FHAD1: variants seen among roughly 807,000 people sequenced by gnomAD.
FHAD1 encodes forkhead-associated domain-containing protein 1.
A neutral mutation model predicts 191.3 loss-of-function variants in FHAD1; 146 were observed. The observed-to-expected ratio is 0.76, with a 90% CI of 0.67 to 0.88. FHAD1 has a LOEUF of 0.88. FHAD1 is among the 40% of genes least tolerant of loss of function. The pLI is 0.00. For synonymous variants in FHAD1, 616 were observed against 672.3 expected (o/e 0.92, Z 1.29); for missense variants, 1,635 against 1,785.8 (o/e 0.92, Z 1.52).
chr1:15,346,707 C>G (rs915656398), intron 18 of FHAD1, among the ~76,000 whole-genome samples: 14 of 152,214 alleles, frequency 9.2e-5, no homozygotes, highest in Non-Finnish European at 2.9e-5. Context: ...GATCCTTTTT[C>G]ACATCTGCTT....
chr1:15,301,510 C>A (rs556906560), intron 6 of FHAD1, 69 bp downstream of exon 6: 8 of 1,352,712 alleles, frequency 5.9e-6, no homozygotes, highest in Admixed American at 2.2e-5. Context: ...GACCACCAAC[C>A]AAGGTGAGCC....
At chr1:15,303,262 G>A (rs1000286285) in intron 6 of FHAD1, among the ~76,000 whole-genome samples, 2 of 152,342 alleles carry the variant, frequency 1.3e-5, no homozygotes, top group Middle Eastern at 3.4e-3. Context: ...AGCAATGAAA[G>A]GAGCTGGTCC....
rs1431966880 is a variant in FHAD1 at position 15,300,455 on chromosome 1, G to A, written c.679-750G>A. The stretch of plus-strand genomic sequence containing the variant: ...GAAAGGGGAAAAGCTATTTCAGAAT[G>A]TATTAAATTTGTAAAGTTAAATAGC... On this transcript the variant is annotated intron_variant, in intron 5 of 33. Coordinates refer to ENST00000688493, the MANE Select transcript of FHAD1 (RefSeq NM_001391957.1). Among the ~76,000 whole-genome samples, 3 of 152,350 alleles carry A rather than the reference G, an allele frequency of 2.0e-5. No homozygotes were observed. The East Asian group carries it at 5.8e-4, about 29-fold the overall frequency.
chr1:15,399,690 T>C (rs1706979499), downstream of FHAD1, among the ~76,000 whole-genome samples: 1 of 152,098 alleles, frequency 6.6e-6, no homozygotes, highest in African/African-American at 2.4e-5. Context: ...TATCCCCAAA[T>C]ATAGAGCTGA....
rs1674432688 is a variant in FHAD1 at position 15,316,318 on chromosome 1, C to T, written c.1171-60C>T. 7.3e-7 allele frequency: 1 copy of T among 1,370,062 alleles called. No homozygotes were observed. The highest frequency in any genetic ancestry group is 1.5e-5 in the African/African-American group (1 of 68,912). 84.9% of individuals were successfully genotyped at this position (1,370,062 alleles called of 1,614,324 possible). On this transcript the variant is annotated intron_variant, in intron 8 of 33. Coordinates refer to ENST00000688493, the MANE Select transcript of FHAD1 (RefSeq NM_001391957.1). This position sits in a 1 kb window ranked among gnomAD's most constrained non-coding sequence, Gnocchi z 4.3. Reference sequence around the variant, plus strand: ...ACATGGGGCCTTGGAGCCCCTCCTTCCCCCGACAACCCTACCTGGCCAACG... The same window carrying T: ...ACATGGGGCCTTGGAGCCCCTCCTTTCCCCGACAACCCTACCTGGCCAACG...
At chr1:15,261,397 G>A (rs933427758) in intron 2 of FHAD1, among the ~76,000 whole-genome samples, 2 of 152,126 alleles carry the variant, frequency 1.3e-5, no homozygotes, top group African/African-American at 2.4e-5. Context: ...ATGACTAATC[G>A]CTGCTCTATC....
intron 13 of FHAD1, chr1:15,328,703 G>A (rs900540334): frequency 1.3e-5 from 4 of 306,246 alleles, no homozygotes; most frequent in Non-Finnish European, 2.4e-5. Context: ...AAAAGAAATT[G>A]TTTTCATAGC....
chr1:15,392,345 ACAC>A (rs1260676425), intron 33 of FHAD1, among the ~76,000 whole-genome samples: 2 of 152,160 alleles, frequency 1.3e-5, no homozygotes, highest in Non-Finnish European at 2.9e-5. Context: ...ATCCTGGCTA[ACAC>A]GGTGAAACCC....
At chr1:15,304,292 A>G (rs549233774) in intron 6 of FHAD1, among the ~76,000 whole-genome samples, 1 of 152,254 alleles carries the variant, frequency 6.6e-6, no homozygotes, top group Non-Finnish European at 1.5e-5. Context: ...CCCAGTGCCC[A>G]TTTTATTACA....
chr1:15,376,170 A>G (rs1015061406), intron 28 of FHAD1, among the ~76,000 whole-genome samples: 15 of 151,218 alleles, frequency 9.9e-5, no homozygotes, highest in Admixed American at 2.0e-4. Context: ...GCTCACTGCA[A>G]GCTCCGCCTC....
upstream of FHAD1, among the ~76,000 whole-genome samples, chr1:15,243,340 G>A (rs1645616056): frequency 6.6e-6 from 1 of 152,152 alleles, no homozygotes; most frequent in African/African-American, 2.4e-5. Flanking sequence ...AGTCTCTAGT[G>A]GGCCCTCTGC....
At chr1:15,330,562 C>T (rs1258523762) in intron 14 of FHAD1, among the ~76,000 whole-genome samples, 1 of 152,124 alleles carries the variant, frequency 6.6e-6, no homozygotes, top group African/African-American at 2.4e-5. Context: ...GAAAATCACT[C>T]GAACAAACAT....
intron 8 of FHAD1, chr1:15,314,562 G>A (rs1673391849): frequency 6.6e-6 from 1 of 152,172 alleles, no homozygotes; most frequent in South Asian, 2.1e-4. Context: ...CCCGAGCAGG[G>A]TCACCGCCTG....
At chr1:15,338,481 G>A (rs983343638) in intron 14 of FHAD1, among the ~76,000 whole-genome samples, 3 of 152,018 alleles carry the variant, frequency 2.0e-5, no homozygotes, top group Admixed American at 1.3e-4. Flanking sequence ...GATGACATTG[G>A]GTCCACCCAG....
chr1:15,315,049 C>G (rs1673879517), intron 8 of FHAD1: 2 of 152,146 alleles, frequency 1.3e-5, no homozygotes, highest in East Asian at 3.9e-4. Context: ...TGGAACAGGT[C>G]TGCCTTCTTC....
rs949893022 is a variant in FHAD1, at chr1:15,381,459, G to C, written c.4022+8G>C. 1.3e-6 allele frequency: 2 copies of C among 1,548,614 alleles called. No individual in the cohort carries two copies. The highest frequency in any genetic ancestry group is 1.7e-6 in the Non-Finnish European group (2 of 1,145,114). On this transcript the variant is annotated splice_region_variant and intron_variant, in intron 30 of 33. Transcript: ENST00000688493. The surrounding 1 kb of genome is among the most constrained non-coding windows in gnomAD (Gnocchi z 4.6). ...GGACGTTGAACAGCTCAGGTACCTC[G>C]GCACCCCCATGTCCCCACAGAAAGG... is the stretch of plus-strand genomic sequence containing the variant.
At chr1:15,304,455 T>C (rs957475924) in intron 6 of FHAD1, among the ~76,000 whole-genome samples, 4 of 152,230 alleles carry the variant, frequency 2.6e-5, no homozygotes, top group Admixed American at 6.5e-5. Flanking sequence ...GATTGAAACA[T>C]TTCCTATCTG....
At chr1:15,255,315 A>T (rs989018245) in intron 2 of FHAD1, among the ~76,000 whole-genome samples, 3 of 152,186 alleles carry the variant, frequency 2.0e-5, no homozygotes, top group Non-Finnish European at 2.9e-5. Flanking sequence ...TGATAATGGA[A>T]GGTAATTATG....
intron 13 of FHAD1, 143 bp downstream of exon 13, chr1:15,328,572 C>T (rs935743912): frequency 2.8e-6 from 2 of 709,922 alleles, no homozygotes; most frequent in Non-Finnish European, 4.1e-6. Context: ...GTTGGAGAAA[C>T]TTGTTGGAGA....
Sources: allele counts gnomAD v4.1 joint callset (sites outside exome capture counted in the v4.1 genomes callset), GRCh38; gene constraint gnomAD v4.1.1; non-coding constraint Gnocchi (gnomAD v3.1); transcripts MANE v1.5; gene names NCBI Gene and HGNC (gene_info 2026-07-23, HGNC 2026-07-21).